Variants in WDR47 observed in about 807,000 individuals in gnomAD.
WDR47 encodes WD repeat-containing protein 47.
Under a neutral mutation model 97.2 loss-of-function variants are expected in WDR47, and 32 were observed. The observed-to-expected ratio is 0.33, with a 90% CI of 0.25 to 0.44. The LOEUF (loss-of-function observed/expected upper bound fraction) is 0.44. Among genes scored for constraint, WDR47 ranks in the 20% least tolerant of loss-of-function variants. WDR47 has a pLI of 1.00. For missense variants in WDR47, 782 were observed against 1,102.3 expected (o/e 0.71, Z 4.11); for synonymous variants, 375 against 373.5 (o/e 1.00, Z -0.05).
At chr1:108,976,296 A>T (rs1657885267) in intron 13 of WDR47, among the ~76,000 whole-genome samples, 1 of 152,060 alleles carries the variant, frequency 6.6e-6, no homozygotes, top group South Asian at 2.1e-4. Context: ...ATTAAAATAA[A>T]GCAAAAATGA....
intron 3 of WDR47, among the ~76,000 whole-genome samples, chr1:109,014,454 A>T (rs1661270945): frequency 6.6e-6 from 1 of 151,130 alleles, no homozygotes; most frequent in Non-Finnish European, 1.5e-5. Context: ...TTTTTTAGAG[A>T]CAGAGTCTTC....
chr1:109,008,293 T>C (rs749625061), intron 5 of WDR47, among the ~76,000 whole-genome samples: 8 of 151,916 alleles, frequency 5.3e-5, no homozygotes, highest in African/African-American at 1.9e-4. Context: ...TGGAGTGAGA[T>C]GGAGTCTTAC....
intron 3 of WDR47, 91 bp from the exon 4 acceptor site, chr1:109,014,016 A>T: frequency 2.3e-6 from 2 of 882,204 alleles, no homozygotes; most frequent in East Asian, 4.9e-5. Flanking sequence ...CTTTAGGAAA[A>T]TTATTCAAAT....
chr1:109,002,214 G>GTA lies in WDR47; in HGVS notation c.1433+9_1433+10insTA, dbSNP rs755835852. On this transcript the variant is annotated intron_variant, in intron 7 of 14. Transcript: ENST00000369962. Reference sequence around the variant, plus strand: ...AACTCCATATTTTAAAAAGTGATTAGAAGACCAACCTATTAAGGAACTGTT... The same window carrying GTA: ...AACTCCATATTTTAAAAAGTGATTAGTAAAGACCAACCTATTAAGGAACTGTT... 1.9e-6 allele frequency: 3 copies of GTA among 1,553,608 alleles called. No homozygotes were observed. The Admixed American group carries it at 6.0e-5, about 31-fold the overall frequency.
At chr1:109,012,142 A>AT (rs1205339408) in intron 4 of WDR47, among the ~76,000 whole-genome samples, 9 of 152,002 alleles carry the variant, frequency 5.9e-5, no homozygotes, top group Non-Finnish European at 1.0e-4. Context: ...AACGGTAAGA[A>AT]TTTTTTTTCT....
At chr1:108,987,444 G>A (rs569754502) in intron 9 of WDR47, among the ~76,000 whole-genome samples, 1 of 151,806 alleles carries the variant, frequency 6.6e-6, no homozygotes, top group African/African-American at 2.4e-5. Context: ...GTGAGCCACC[G>A]CACCAGCCAA....
Position 109,010,875 on chromosome 1 carries a change from C to T in WDR47, c.1130+41G>A, listed in dbSNP as rs765309334. 7.0e-6 allele frequency: 11 copies of T among 1,564,134 alleles called. No homozygotes were observed. In the African/African-American group the frequency reaches 1.5e-4, roughly 21 times the overall value. On this transcript the variant is annotated intron_variant, in intron 5 of 14. Coordinates refer to ENST00000369962, the MANE Select transcript of WDR47 (RefSeq NM_001142551.2). ...GGGATTACAGGCATAAGCCACTGCA[C>T]CCGGCCTAAGATTTCCTAATTTTTA... is the stretch of plus-strand genomic sequence containing the variant.
intron 1 of WDR47, among the ~76,000 whole-genome samples, chr1:109,029,505 C>G (rs547047222): frequency 4.6e-4 from 70 of 151,900 alleles, no homozygotes; most frequent in African/African-American, 1.6e-3. Context: ...ACTGAAAATA[C>G]AAAAATTAGC....
chr1:109,013,815 C>T, intron 4 of WDR47, 26 bp downstream of exon 4: 1 of 1,611,156 alleles, frequency 6.2e-7, no homozygotes. Context: ...GACTAGGGCG[C>T]AAACCTTCAG....
At chr1:109,021,596 C>T (rs1178086232) in intron 2 of WDR47, among the ~76,000 whole-genome samples, 1 of 148,632 alleles carries the variant, frequency 6.7e-6, no homozygotes, top group Non-Finnish European at 1.5e-5. Flanking sequence ...AAATTGGGAA[C>T]AATTGTTTAA....
At chr1:109,020,329 C>T (rs1173710318) in intron 2 of WDR47, among the ~76,000 whole-genome samples, 2 of 151,384 alleles carry the variant, frequency 1.3e-5, no homozygotes, top group Non-Finnish European at 2.9e-5. Flanking sequence ...CTCACGATCT[C>T]GGCTCACTGC....
intron 8 of WDR47, among the ~76,000 whole-genome samples, chr1:108,993,408 T>C (rs1305275550): frequency 6.6e-6 from 1 of 151,992 alleles, no homozygotes; most frequent in East Asian, 1.9e-4. Context: ...CATGTAGCAA[T>C]GCTTTTGAAA....
chr1:109,026,471 T>C (rs1484495690), intron 1 of WDR47, among the ~76,000 whole-genome samples: 1 of 152,190 alleles, frequency 6.6e-6, no homozygotes, highest in Non-Finnish European at 1.5e-5. Context: ...CTCAAATCTT[T>C]AGACAATTCT....
At chr1:108,982,840 G>T in intron 11 of WDR47, 61 bp from the exon 12 acceptor site, 1 of 1,525,222 alleles carries the variant, frequency 6.6e-7, no homozygotes, top group Non-Finnish European at 8.8e-7. Flanking sequence ...GATAACTTGA[G>T]ATTGCTAAAC....
At chr1:108,986,723 A>AT in intron 9 of WDR47, 43 bp from the exon 10 acceptor site, 7 of 1,433,060 alleles carry the variant, frequency 4.9e-6, no homozygotes, top group Non-Finnish European at 6.6e-6. Flanking sequence ...AAAAAAATGA[A>AT]TTTGAAAGAA....
Position 108,982,763 on chromosome 1 carries a change from A to G in WDR47, c.2112T>C (p.Phe704=). The change falls in exon 12 of 15, where the codon TTT becomes TTC. Residue 704 remains phenylalanine (F), a synonymous_variant. Transcript: ENST00000369962. ...CTCTAATTGTTCCATCATGCATACTAAATTCCAGATCTGGTCCTGAAACAG... is the reference window on the plus strand; with the variant it reads ...CTCTAATTGTTCCATCATGCATACTGAATTCCAGATCTGGTCCTGAAACAG... ...TCNATGPDLE[F]SMHDGTIRDL... is the part of the protein sequence containing the mutation. The G allele has an allele frequency of 2.5e-6, 4 of 1,609,562 alleles. No homozygotes were observed. The highest frequency in any genetic ancestry group is 3.4e-6 in the Non-Finnish European group (4 of 1,178,898).
chr1:109,006,559 C>T (rs372443505), intron 5 of WDR47, among the ~76,000 whole-genome samples: 3 of 152,170 alleles, frequency 2.0e-5, no homozygotes, highest in South Asian at 2.1e-4. Context: ...AATTTTGCAA[C>T]GTATACAGAA....
chr1:109,015,674 G>C (rs1661362084), intron 3 of WDR47, among the ~76,000 whole-genome samples: 1 of 151,452 alleles, frequency 6.6e-6, no homozygotes, highest in South Asian at 2.1e-4. Flanking sequence ...GGCACAACTA[G>C]AGGGAAGTCA....
chr1:109,023,497 T>C lies in WDR47; in HGVS notation c.16A>G (p.Thr6Ala), dbSNP rs1318764011. 1 of 1,613,098 alleles carries C rather than the reference T, an allele frequency of 6.2e-7. No individual in the cohort carries two copies. The highest frequency in any genetic ancestry group is 8.5e-7 in the Non-Finnish European group (1 of 1,179,420). The change falls in exon 2 of 15, where the codon ACA (threonine) becomes GCA (alanine). Residue 6 changes from threonine to alanine, a missense_variant. Thr to Ala is a moderately conservative substitution (Grantham distance 58). Coordinates refer to ENST00000369962, the MANE Select transcript of WDR47 (RefSeq NM_001142551.2). Reference sequence around the variant, plus strand: ...ATTTCAACCTCTTTTACATTCACTGTTTCTTCAGCCGTCATATTGATAGCC... The same window carrying C: ...ATTTCAACCTCTTTTACATTCACTGCTTCTTCAGCCGTCATATTGATAGCC... MTAEE[T>A]VNVKEVEIIK...
Sources: allele counts gnomAD v4.1 joint callset (sites outside exome capture counted in the v4.1 genomes callset), GRCh38; gene constraint gnomAD v4.1.1; transcripts MANE v1.5; gene names NCBI Gene and HGNC (gene_info 2026-07-23, HGNC 2026-07-21).